KCNIP4: variants seen among roughly 807,000 people sequenced by gnomAD.
KCNIP4 encodes potassium voltage-gated channel interacting protein 4.
Under a neutral mutation model 34.0 loss-of-function variants are expected in KCNIP4, and 12 were observed. The ratio of observed to expected loss-of-function variants is 0.35; its 90% CI spans 0.23 to 0.57. KCNIP4 has a LOEUF of 0.57. Ranked by LOEUF, KCNIP4 falls within the 20% of genes least tolerant of loss-of-function variation. KCNIP4 has a pLI of 0.83. For synonymous variants in KCNIP4, 124 were observed against 102.2 expected (o/e 1.21, Z -1.29); for missense variants, 238 against 311.7 (o/e 0.76, Z 1.78).
intron 1 of KCNIP4, among the ~76,000 whole-genome samples, chr4:21,070,057 C>G (rs977101710): frequency 1.3e-5 from 2 of 152,158 alleles, no homozygotes; most frequent in African/African-American, 4.8e-5. Context: ...AATTTTATCA[C>G]TGAGAGACTA....
chr4:21,097,023 CA>C (rs1202694757), intron 1 of KCNIP4, among the ~76,000 whole-genome samples: 5 of 152,142 alleles, frequency 3.3e-5, no homozygotes, highest in African/African-American at 1.2e-4. Flanking sequence ...ATCAACAAAA[CA>C]AATAGCACAT....
intron 5 of KCNIP4, among the ~76,000 whole-genome samples, chr4:20,737,212 G>A (rs943191456): frequency 1.3e-5 from 2 of 152,166 alleles, no homozygotes; most frequent in Non-Finnish European, 2.9e-5. Flanking sequence ...GAGAGGAGAA[G>A]CTGGCAAAGC....
At chr4:21,799,693 G>T (rs954380943) in intron 1 of KCNIP4, among the ~76,000 whole-genome samples, 1 of 152,152 alleles carries the variant, frequency 6.6e-6, no homozygotes, top group Non-Finnish European at 1.5e-5. Context: ...CCTTAGAACA[G>T]CATTGAAGAC....
rs757351209 is a variant in KCNIP4 at position 21,778,224 on chromosome 4, C to CTTTTTTTTTTTTTTTTTTTTTTTTTTTTT, written c.61+170346_61+170347insAAAAAAAAAAAAAAAAAAAAAAAAAAAAA. Among the ~76,000 whole-genome samples, 4 of 102,390 alleles carry CTTTTTTTTTTTTTTTTTTTTTTTTTTTTT rather than the reference C, an allele frequency of 3.9e-5. 1 individual carries two copies. Among genetic ancestry groups the CTTTTTTTTTTTTTTTTTTTTTTTTTTTTT allele is most frequent in the Non-Finnish European group, 3.7e-5 (2 of 53,840 alleles). The allele number at this position is 102,390 out of a possible 152,430, so 67.2% of individuals were successfully genotyped here. A position where few individuals can be genotyped will look rare whatever the true frequency, so the allele number is the denominator to read the frequency against. Reference sequence around the variant, plus strand: ...TTATTTGTTTCTTTTTCCTTTTTTCCTTTTTTTTTTTCTTTTTTTTTTTTT... The same window carrying CTTTTTTTTTTTTTTTTTTTTTTTTTTTTT: ...TTATTTGTTTCTTTTTCCTTTTTTCCTTTTTTTTTTTTTTTTTTTTTTTTTTTTTTTTTTTTTTTTCTTTTTTTTTTTTT... On this transcript the variant is annotated intron_variant, in intron 1 of 8. Transcript: ENST00000382152.
chr4:20,886,853 C>T (rs1419403102), intron 1 of KCNIP4, among the ~76,000 whole-genome samples: 2 of 152,002 alleles, frequency 1.3e-5, no homozygotes, highest in Non-Finnish European at 2.9e-5. Flanking sequence ...GCAACATGAC[C>T]CAAACTCCTT....
chr4:21,359,500 G>A (rs1343970601), intron 1 of KCNIP4, among the ~76,000 whole-genome samples: 1 of 152,090 alleles, frequency 6.6e-6, no homozygotes, highest in Non-Finnish European at 1.5e-5. Flanking sequence ...AACCGAATGA[G>A]AGTAAGAAAG....
At chr4:21,250,153 C>A (rs1577963018) in intron 1 of KCNIP4, among the ~76,000 whole-genome samples, 1 of 145,908 alleles carries the variant, frequency 6.9e-6, no homozygotes. Flanking sequence ...AAGTTCTCTG[C>A]AAAACCACAG....
At chr4:21,759,262 ACTTG>A (rs1717884761) in intron 1 of KCNIP4, among the ~76,000 whole-genome samples, 1 of 152,198 alleles carries the variant, frequency 6.6e-6, no homozygotes, top group East Asian at 1.9e-4. Flanking sequence ...GAATAGGAAC[ACTTG>A]CTTTGTATAA....
rs535941783 is a variant in KCNIP4 at position 20,813,280 on chromosome 4, C to A, written c.288+37263G>T. ...AGAATGACTTTGCAACATTGCCAAA[C>A]CTCAACAAAGGGGCAAAAAAGGATA... On this transcript the variant is annotated intron_variant, in intron 3 of 8. Coordinates refer to ENST00000382152, the MANE Select transcript of KCNIP4 (RefSeq NM_025221.6). Among the ~76,000 whole-genome samples, 8 of 152,214 alleles carry A rather than the reference C, an allele frequency of 5.3e-5. No homozygotes were observed. The East Asian group carries it at 7.7e-4, about 15-fold the overall frequency.
At chr4:21,580,688 A>G (rs1370891407) in intron 1 of KCNIP4, among the ~76,000 whole-genome samples, 1 of 152,112 alleles carries the variant, frequency 6.6e-6, no homozygotes, top group Non-Finnish European at 1.5e-5. Flanking sequence ...TACCATGCAC[A>G]CATTTAACGC....
At chr4:21,873,431 C>T (rs988989001) in intron 1 of KCNIP4, among the ~76,000 whole-genome samples, 8 of 152,116 alleles carry the variant, frequency 5.3e-5, no homozygotes, top group Admixed American at 5.2e-4. Flanking sequence ...CTCAAAAGAA[C>T]AATGCAAAAA....
At chr4:21,011,745 A>G (rs1273039869) in intron 1 of KCNIP4, among the ~76,000 whole-genome samples, 1 of 152,224 alleles carries the variant, frequency 6.6e-6, no homozygotes, top group Non-Finnish European at 1.5e-5. Flanking sequence ...TTGACCTTAA[A>G]GGACAATAAT....
intron 5 of KCNIP4, among the ~76,000 whole-genome samples, chr4:20,743,635 A>T (rs1451851326): frequency 6.6e-6 from 1 of 152,228 alleles, no homozygotes; most frequent in Non-Finnish European, 1.5e-5. Context: ...TGGATTAAAG[A>T]CTTAAACATT....
intron 1 of KCNIP4, among the ~76,000 whole-genome samples, chr4:21,580,727 C>T (rs940957084): frequency 2.0e-5 from 3 of 152,054 alleles, no homozygotes; most frequent in Non-Finnish European, 1.5e-5. Context: ...TGGTAAATGC[C>T]CAATCTTACT....
At chr4:21,266,303 T>C (rs1761804641) in intron 1 of KCNIP4, among the ~76,000 whole-genome samples, 2 of 152,174 alleles carry the variant, frequency 1.3e-5, no homozygotes, top group Non-Finnish European at 2.9e-5. Flanking sequence ...TTTGCACAAA[T>C]TATCCTTCTC....
Position 21,072,506 on chromosome 4 carries a change from A to G in KCNIP4, c.62-189797T>C, listed in dbSNP as rs1745050958. On this transcript the variant is annotated intron_variant, in intron 1 of 8. Coordinates refer to ENST00000382152, the MANE Select transcript of KCNIP4 (RefSeq NM_025221.6). The stretch of plus-strand genomic sequence containing the variant: ...GATGGGGTTTTTTTTTTCTTGTAAA[A>G]AAAATTTTGTTTAAGTTCTTTGTAG... Among the ~76,000 whole-genome samples, 4 of 151,488 alleles carry G rather than the reference A, an allele frequency of 2.6e-5. No homozygotes were observed. In the South Asian group the frequency reaches 8.3e-4, roughly 31 times the overall value.
chr4:20,907,927 T>C (rs189663056), intron 1 of KCNIP4, among the ~76,000 whole-genome samples: 29 of 152,238 alleles, frequency 1.9e-4, no homozygotes, highest in African/African-American at 6.5e-4. Context: ...TTTTTTTAGC[T>C]AATTCCTTAT....
intron 1 of KCNIP4, among the ~76,000 whole-genome samples, chr4:21,909,160 A>C (rs1728163028): frequency 6.6e-6 from 1 of 152,180 alleles, no homozygotes; most frequent in African/African-American, 2.4e-5. Context: ...AGAATAGGAC[A>C]CTATAGAAAT....
At chr4:21,791,584 T>G (rs954728459) in intron 1 of KCNIP4, among the ~76,000 whole-genome samples, 1 of 152,024 alleles carries the variant, frequency 6.6e-6, no homozygotes, top group African/African-American at 2.4e-5. Flanking sequence ...CGGGACTCAC[T>G]CTGGTGAGTA....
Sources: gnomAD v4.1 joint callset for allele counts (sites outside exome capture counted in the v4.1 genomes callset) on GRCh38, gnomAD v4.1.1 for gene constraint, MANE v1.5 for transcripts, NCBI Gene and HGNC (gene_info 2026-07-23, HGNC 2026-07-21) for gene names.